The following WT1 variants were observed in gnomAD, a reference collection of about 807,000 sequenced individuals.
WT1 encodes the protein WT1 transcription factor.
A neutral mutation model predicts 60.8 loss-of-function variants in WT1; 8 were observed. The ratio of observed to expected loss-of-function variants is 0.13; its 90% CI spans 0.08 to 0.24. The LOEUF (loss-of-function observed/expected upper bound fraction) is 0.24, where lower values mean the gene tolerates loss of function less well. Among genes scored for constraint, WT1 ranks in the 10% least tolerant of loss-of-function variants. WT1 has a pLI of 1.00. For synonymous variants in WT1, 312 were observed against 297.1 expected (o/e 1.05, Z -0.52); for missense variants, 568 against 711.8 (o/e 0.80, Z 2.30).
intron 5 of WT1, among the ~76,000 whole-genome samples, chr11:32,403,995 C>T (rs530509725): frequency 6.6e-6 from 1 of 152,144 alleles, no homozygotes; most frequent in Non-Finnish European, 1.5e-5. Context: ...TGACTGAGGC[C>T]GGACATGGTG....
chr11:32,388,679 A>T lies in WT1; in HGVS notation c.*379T>A, dbSNP rs746694121. The T allele has an allele frequency of 5.5e-6, 2 of 363,944 alleles. No individual in the cohort carries two copies. The highest frequency in any genetic ancestry group is 1.0e-5 in the Non-Finnish European group (2 of 196,018). The allele number at this position is 363,944 out of a possible 1,614,324, so 22.5% of individuals were successfully genotyped here. A position where few individuals can be genotyped will look rare whatever the true frequency, so the allele number is the denominator to read the frequency against. On this transcript the variant is annotated 3_prime_UTR_variant, in exon 10 of 10. Coordinates refer to ENST00000452863, the MANE Select transcript of WT1 (RefSeq NM_024426.6). ...ACATGCCCTGGCCTATAAATATTCC[A>T]TGATAGAAAATGGTACAATAATTCC...
chr11:32,393,473 C>T (rs562324178), intron 7 of WT1, among the ~76,000 whole-genome samples: 1 of 152,342 alleles, frequency 6.6e-6, no homozygotes, highest in South Asian at 2.1e-4. Flanking sequence ...GTGAGCAACC[C>T]CAGGCCTTCC....
At chr11:32,412,055 C>A (rs1332242296) in intron 5 of WT1, among the ~76,000 whole-genome samples, 1 of 152,144 alleles carries the variant, frequency 6.6e-6, no homozygotes, top group Non-Finnish European at 1.5e-5. Flanking sequence ...AGCAAGCTAT[C>A]TATTTCCAAG....
At chr11:32,410,317 A>G (rs1351098788) in intron 5 of WT1, among the ~76,000 whole-genome samples, 1 of 152,156 alleles carries the variant, frequency 6.6e-6, no homozygotes, top group African/African-American at 2.4e-5. Context: ...TAAAAGCAGA[A>G]CAATTTAAAA....
rs577384088 is a variant in WT1 at position 32,411,960 on chromosome 11, T to C, written c.1016+4530A>G. Among the ~76,000 whole-genome samples the C allele has an allele frequency of 2.0e-5, 3 of 152,316 alleles. No homozygotes were observed. In the East Asian group the frequency reaches 5.8e-4, roughly 29 times the overall value. On this transcript the variant is annotated intron_variant, in intron 5 of 9. Transcript: ENST00000452863. ...AATAACTTGTTGCTGGGGGTGGAGATGGAGTAGGCTCGGCAATGCTGATAT... is the reference window on the plus strand; with the variant it reads ...AATAACTTGTTGCTGGGGGTGGAGACGGAGTAGGCTCGGCAATGCTGATAT...
In WT1 at chr11:32,388,890, C is replaced by G; in HGVS notation, c.*168G>C. ...GTAGGCAGGGCAGAGACCAACTCTT[C>G]CAGGCACACCTGGTAGTTTCCAGAA... is the stretch of plus-strand genomic sequence containing the variant. On this transcript the variant is annotated 3_prime_UTR_variant, in exon 10 of 10. Coordinates refer to ENST00000452863, the MANE Select transcript of WT1 (RefSeq NM_024426.6). 7.9e-7 allele frequency: 1 copy of G among 1,269,588 alleles called. No individual in the cohort carries two copies. The highest frequency in any genetic ancestry group is 1.1e-6 in the Non-Finnish European group (1 of 920,772). The allele number at this position is 1,269,588 out of a possible 1,614,324, so 78.6% of individuals were successfully genotyped here. A position where few individuals can be genotyped will look rare whatever the true frequency, so the allele number is the denominator to read the frequency against.
At chr11:32,431,727 T>C (rs1241646507) in intron 1 of WT1, among the ~76,000 whole-genome samples, 1 of 151,942 alleles carries the variant, frequency 6.6e-6, no homozygotes, top group African/African-American at 2.4e-5. Flanking sequence ...CAAGCTTTTT[T>C]CCCCTCCTCC....
chr11:32,412,931 G>A (rs1564984418), intron 5 of WT1, among the ~76,000 whole-genome samples: 2 of 151,970 alleles, frequency 1.3e-5, no homozygotes, highest in South Asian at 2.1e-4. Context: ...CTCTAACACA[G>A]CAAGTTTTCA....
intron 5 of WT1, among the ~76,000 whole-genome samples, chr11:32,403,419 G>A (rs1852215019): frequency 6.6e-6 from 1 of 152,170 alleles, no homozygotes; most frequent in Non-Finnish European, 1.5e-5. Context: ...CCCATTTGGA[G>A]CAGAAATCTC....
At chr11:32,393,646 C>A (rs1467093322) in intron 7 of WT1, among the ~76,000 whole-genome samples, 3 of 152,252 alleles carry the variant, frequency 2.0e-5, no homozygotes, top group Non-Finnish European at 2.9e-5. Context: ...TATGCCAGAG[C>A]TCACATCCTG....
At chr11:32,394,213 C>T (rs1851900413) in intron 7 of WT1, among the ~76,000 whole-genome samples, 1 of 152,122 alleles carries the variant, frequency 6.6e-6, no homozygotes, top group South Asian at 2.1e-4. Context: ...TATTTGTATC[C>T]AGGTTGGTGC....
At chr11:32,400,780 A>G (rs1425410126) in intron 5 of WT1, among the ~76,000 whole-genome samples, 1 of 152,238 alleles carries the variant, frequency 6.6e-6, no homozygotes, top group Non-Finnish European at 1.5e-5. Flanking sequence ...TTCAGATACA[A>G]TGCCTCTATC....
rs145425799 is a variant in WT1, at chr11:32,427,994, G to T, written c.849C>A (p.Thr283=). 2 of 1,611,878 alleles carry T rather than the reference G, an allele frequency of 1.2e-6. No individual in the cohort carries two copies. The highest frequency in any genetic ancestry group is 1.7e-6 in the Non-Finnish European group (2 of 1,179,120). The change falls in exon 3 of 10, where the codon ACC becomes ACA. Residue 283 remains threonine, a synonymous_variant. Transcript: ENST00000452863. ...TCCTCAGCAGCAAAGCCTGGCTGCCGGTGCAGCTGTCGGTGGGGGTGTGGC... is the reference window on the plus strand; with the variant it reads ...TCCTCAGCAGCAAAGCCTGGCTGCCTGTGCAGCTGTCGGTGGGGGTGTGGC...
intron 3 of WT1, among the ~76,000 whole-genome samples, chr11:32,427,283 A>G (rs568288723): frequency 5.1e-4 from 78 of 152,318 alleles, no homozygotes; most frequent in African/African-American, 1.9e-3. Flanking sequence ...GTGGAGCGAG[A>G]GGCGAGAAGA....
At position 32,435,072 on chromosome 11, in the gene WT1, A is replaced by G. The variant is rs1383360383; in HGVS notation, c.289T>C (p.Cys97Arg). The change falls in exon 1 of 10, where the codon TGT becomes CGT. Residue 97 changes from cysteine (C) to arginine (R), a missense_variant. Physicochemically the swap from Cys to Arg is radical, Grantham distance 180 (BLOSUM62 -3). Coordinates refer to ENST00000452863, the MANE Select transcript of WT1 (RefSeq NM_024426.6). ...GCCGCGCCGCTCACAGGCAGGGCAC[A>G]GCCGCCGCCGCCACCCAGGGAGGGG... 1.3e-6 allele frequency: 2 copies of G among 1,488,054 alleles called. No individual in the cohort carries two copies. The highest frequency in any genetic ancestry group is 1.8e-6 in the Non-Finnish European group (2 of 1,128,626). The allele number at this position is 1,488,054 out of a possible 1,614,324, so 92.2% of individuals were successfully genotyped here. A position where few individuals can be genotyped will look rare whatever the true frequency, so the allele number is the denominator to read the frequency against.
intron 6 of WT1, among the ~76,000 whole-genome samples, chr11:32,396,776 T>C (rs1262561903): frequency 6.6e-6 from 1 of 152,100 alleles, no homozygotes; most frequent in Non-Finnish European, 1.5e-5. Context: ...AAGTCCAAAG[T>C]CCCAAAGTCT....
chr11:32,434,751 C>T lies in WT1; in HGVS notation c.610G>A (p.Ala204Thr), dbSNP rs9332973. The T allele has an allele frequency of 1.2e-6, 2 of 1,612,920 alleles. No individual in the cohort carries two copies. The highest frequency in any genetic ancestry group is 4.5e-5 in the East Asian group (2 of 44,872). The change falls in exon 1 of 10, where the codon GCG (alanine) becomes ACG (threonine). Residue 204 changes from alanine to threonine, a missense_variant. Ala to Thr is a moderately conservative substitution (Grantham distance 58, BLOSUM62 0). Around this residue, in one of 3 missense-constraint regions of WT1, gnomAD observed 523 missense variants for 565.1 expected, o/e 0.93. Coordinates refer to ENST00000452863, the MANE Select transcript of WT1 (RefSeq NM_024426.6). ...TCGAGGCAGCTGGGCAGGTAGGGCG[C>T]GTTAGGAAACATCCTGGCCTGGCCG... is the stretch of plus-strand genomic sequence containing the variant.
At chr11:32,422,552 C>T (rs1486889984) in intron 3 of WT1, among the ~76,000 whole-genome samples, 1 of 152,234 alleles carries the variant, frequency 6.6e-6, no homozygotes. Flanking sequence ...TGGGCATGGG[C>T]TGTCATCTGA....
chr11:32,411,923 C>T (rs140454115), intron 5 of WT1, among the ~76,000 whole-genome samples: 4 of 152,216 alleles, frequency 2.6e-5, no homozygotes, highest in East Asian at 3.9e-4. Flanking sequence ...AAACTTTAAA[C>T]GGTGGAAAAT....
Sources: gnomAD v4.1 joint callset for allele counts (sites outside exome capture counted in the v4.1 genomes callset) on GRCh38, gnomAD v4.1.1 for gene constraint, gnomAD v4.1.1 regional missense constraint, MANE v1.5 for transcripts, NCBI Gene and HGNC (gene_info 2026-07-23, HGNC 2026-07-21) for gene names.